Variants in CNTN2 observed in about 807,000 individuals in gnomAD.
CNTN2 encodes contactin 2, also known as contactin-2.
A neutral mutation model predicts 117.5 loss-of-function variants in CNTN2; 53 were observed. The ratio of observed to expected loss-of-function variants is 0.45; its 90% confidence interval spans 0.36 to 0.57. CNTN2 has a LOEUF of 0.57. CNTN2 is among the 20% of genes least tolerant of loss of function. The pLI, the probability that CNTN2 is intolerant of heterozygous loss-of-function variation, is 0.00. For missense variants in CNTN2, 1,106 were observed against 1,404.3 expected (o/e 0.79, Z 3.39); for synonymous variants, 530 against 561.7 (o/e 0.94, Z 0.80).
Position 205,074,772 on chromosome 1 carries a change from G to A in CNTN2, c.*1007G>A, listed in dbSNP as rs913413480. 1 of 398,712 alleles carries A rather than the reference G, an allele frequency of 2.5e-6. No homozygotes were observed. The highest frequency in any genetic ancestry group is 4.4e-6 in the Non-Finnish European group (1 of 226,224). The allele number at this position is 398,712 out of a possible 1,614,324, so 24.7% of individuals were successfully genotyped here. ...ACTGACTCACTCCTGCCTGGGAGGG[G>A]AATGCAGCATTCATGCTGTGTGTCC... On this transcript the variant is annotated 3_prime_UTR_variant, in exon 23 of 23. Coordinates refer to ENST00000331830, the MANE Select transcript of CNTN2 (RefSeq NM_005076.5).
chr1:205,048,211 G>C lies in CNTN2; in HGVS notation c.-87+4817G>C, dbSNP rs2096445050. Among the ~76,000 whole-genome samples the C allele has an allele frequency of 6.6e-6, 1 of 152,308 alleles. No homozygotes were observed. Among genetic ancestry groups the C allele is most frequent in the East Asian group, 1.9e-4 (1 of 5,184 alleles). ...CAATCTCCATTACTGGGGAGAAGGGGAGACAGATTCAGGGCCAGGAGCTGG... is the reference window on the plus strand; with the variant it reads ...CAATCTCCATTACTGGGGAGAAGGGCAGACAGATTCAGGGCCAGGAGCTGG... On this transcript the variant is annotated intron_variant, in intron 1 of 22. Coordinates refer to ENST00000331830, the MANE Select transcript of CNTN2 (RefSeq NM_005076.5). The surrounding 1 kb of genome is among the most constrained non-coding windows in gnomAD (Gnocchi z 4.1).
In CNTN2 at chr1:205,059,136, C is replaced by T. The variant is rs150422381; in HGVS notation, c.540C>T (p.Asp180=). ...AGTTCCCCAACTTCATCCCGACGGA[C>T]GGGCGTCACTTCGTGTCCCAGACCA... The part of the protein sequence containing the change: ...LNEFPNFIPT[D]GRHFVSQTTG... The change falls in exon 6 of 23, where the codon GAC becomes GAT. Residue 180 remains aspartate, a synonymous_variant. Coordinates refer to ENST00000331830, the MANE Select transcript of CNTN2 (RefSeq NM_005076.5). The surrounding 1 kb of genome is among the most constrained non-coding windows in gnomAD (Gnocchi z 5.6). 25 of 1,614,094 alleles carry T rather than the reference C, an allele frequency of 1.5e-5. No homozygotes were observed. Among genetic ancestry groups the T allele is most frequent in the African/African-American group, 6.7e-5 (5 of 74,938 alleles).
At chr1:205,066,348 G>A (rs901299482) in intron 14 of CNTN2, 93 bp from the exon 15 acceptor site, 77 of 1,473,604 alleles carry the variant, frequency 5.2e-5, no homozygotes, top group Non-Finnish European at 7.1e-5. Flanking sequence ...CCCTGTCTTG[G>A]TACTGTACCA....
At position 205,061,294 on chromosome 1, in the gene CNTN2, C is replaced by T; in HGVS notation, c.847C>T (p.Gln283Ter). 1 of 1,614,094 alleles carries T rather than the reference C, an allele frequency of 6.2e-7. No individual in the cohort carries two copies. Among genetic ancestry groups the T allele is most frequent in the Non-Finnish European group, 8.5e-7 (1 of 1,179,970 alleles). ...CAAAGTGGACGGCTCCCTGTCCCCG[C>T]AGTGGACCACAGCTGAGCCCACCCT... is the stretch of plus-strand genomic sequence containing the variant. ...WRKVDGSLSP[Q>*]WTTAEPTLQI... The change falls in exon 8 of 23, where the codon CAG becomes TAG. Residue 283 changes from glutamine (Q) to a stop codon, truncating the protein, a stop_gained. Coordinates refer to ENST00000331830, the MANE Select transcript of CNTN2 (RefSeq NM_005076.5). LOFTEE classifies it high-confidence loss of function. This position sits in a 1 kb window ranked among gnomAD's most constrained non-coding sequence, Gnocchi z 4.8.
chr1:205,058,118 C>T lies in CNTN2; in HGVS notation c.215+53C>T. The T allele has an allele frequency of 3.1e-6, 5 of 1,602,904 alleles. No homozygotes were observed. In the South Asian group the frequency reaches 5.6e-5, roughly 18 times the overall value. On this transcript the variant is annotated intron_variant, in intron 3 of 22. Transcript: ENST00000331830. The surrounding 1 kb of genome is among the most constrained non-coding windows in gnomAD (Gnocchi z 4.3). ...GGCCCTGGGCAGCCGTTGAACTTTC[C>T]CTCTCATCAGCCCTGCCACCAGGCA...
At chr1:205,063,133 G>A (rs1231401768) in intron 10 of CNTN2, 2 of 152,218 alleles carry the variant, frequency 1.3e-5, no homozygotes, top group East Asian at 3.8e-4. Context: ...CACCACATCA[G>A]GTTTTAGTGA....
rs1553345874 is a variant in CNTN2, at chr1:205,064,321, G to C, written c.1241-1G>C. 1 of 1,564,092 alleles carries C rather than the reference G, an allele frequency of 6.4e-7. No individual in the cohort carries two copies. Among genetic ancestry groups the C allele is most frequent in the Admixed American group, 1.9e-5 (1 of 51,880 alleles). ...TCTGTGGCTCTCCCCTTTCCTTCTA[G>C]CACTCGCCCCTGACTTCAGGCTGAA... On this transcript the variant is annotated splice_acceptor_variant, in intron 10 of 22. Transcript: ENST00000331830. LOFTEE classifies it high-confidence loss of function.
Position 205,058,238 on chromosome 1 carries a change from G to T in CNTN2, c.273G>T (p.Val91=). Residue 91 remains valine (V), a synonymous_variant, in exon 4 of 23, where the codon GTG becomes GTT. Coordinates refer to ENST00000331830, the MANE Select transcript of CNTN2 (RefSeq NM_005076.5). This position sits in a 1 kb window ranked among gnomAD's most constrained non-coding sequence, Gnocchi z 4.3. The part of the protein sequence containing the change: ...KLEPGSRHQL[V]GGNLVIMNPT... ...AGCCAGGTTCCCGTCACCAGCTGGT[G>T]GGGGGCAACCTGGTCATCATGAACC... 6.4e-7 allele frequency: 1 copy of T among 1,563,792 alleles called. No individual in the cohort carries two copies. The highest frequency in any genetic ancestry group is 1.9e-5 in the Admixed American group (1 of 53,622).
rs2151190177 is a variant in CNTN2, at chr1:205,059,215, T to C, written c.619T>C (p.Cys207Arg). ...TNASDLGNYSCLATSHMDFST... is the reference protein window; with the variant it reads ...TNASDLGNYSRLATSHMDFST... The stretch of plus-strand genomic sequence containing the variant: ...TGCCTCAGACCTGGGCAACTACTCC[T>C]GTTTGGCCACCAGCCACATGGACTT... The change falls in exon 6 of 23, where the codon TGT (cysteine) becomes CGT (arginine). Residue 207 changes from cysteine to arginine, a missense_variant. Cys to Arg is a radical substitution (Grantham distance 180). Transcript: ENST00000331830. This position sits in a 1 kb window ranked among gnomAD's most constrained non-coding sequence, Gnocchi z 5.6. 1.2e-6 allele frequency: 2 copies of C among 1,614,222 alleles called. No individual in the cohort carries two copies. The highest frequency in any genetic ancestry group is 1.7e-6 in the Non-Finnish European group (2 of 1,180,046).
intron 16 of CNTN2, chr1:205,069,201 C>T (rs1225181560): frequency 2.1e-5 from 9 of 422,374 alleles, no homozygotes; most frequent in South Asian, 1.1e-4. Context: ...ATTTCATTCT[C>T]ATTATGGCCT....
intron 2 of CNTN2, among the ~76,000 whole-genome samples, chr1:205,057,008 T>C (rs999874209): frequency 3.3e-5 from 5 of 152,298 alleles, no homozygotes; most frequent in Middle Eastern, 3.4e-3. Flanking sequence ...ACTGGAATTG[T>C]ATAAAACTGC....
intron 1 of CNTN2, among the ~76,000 whole-genome samples, chr1:205,051,772 A>G (rs995858444): frequency 1.3e-5 from 2 of 152,076 alleles, no homozygotes; most frequent in Non-Finnish European, 2.9e-5. Flanking sequence ...GGAGTGGTCA[A>G]ATGTGGAGGG....
At position 205,058,409 on chromosome 1, in the gene CNTN2, G is replaced by C; in HGVS notation, c.391+53G>C. 6.5e-7 allele frequency: 1 copy of C among 1,534,074 alleles called. No individual in the cohort carries two copies. The highest frequency in any genetic ancestry group is 8.8e-7 in the Non-Finnish European group (1 of 1,136,294). Reference sequence around the variant, plus strand: ...TTGGGGGAGGGGGAGAGGGGGCTAGGAGAAATTACTGAGAAAGGATAAGGG... The same window carrying C: ...TTGGGGGAGGGGGAGAGGGGGCTAGCAGAAATTACTGAGAAAGGATAAGGG... On this transcript the variant is annotated intron_variant, in intron 4 of 22. Transcript: ENST00000331830. This position sits in a 1 kb window ranked among gnomAD's most constrained non-coding sequence, Gnocchi z 4.3.
chr1:205,073,586 C>G lies in CNTN2; in HGVS notation c.3014-70C>G. 7.1e-7 allele frequency: 1 copy of G among 1,418,162 alleles called. No individual in the cohort carries two copies. Among genetic ancestry groups the G allele is most frequent in the Admixed American group, 1.8e-5 (1 of 55,806 alleles). 87.8% of individuals were successfully genotyped at this position (1,418,162 alleles called of 1,614,324 possible). On this transcript the variant is annotated intron_variant, in intron 22 of 22. Coordinates refer to ENST00000331830, the MANE Select transcript of CNTN2 (RefSeq NM_005076.5). This position sits in a 1 kb window ranked among gnomAD's most constrained non-coding sequence, Gnocchi z 6.3. ...CCCTGTGAGTCTCCTTAGGAAAGGT[C>G]TCAATCTTGCCACAAGGGTGGGGCT... is the stretch of plus-strand genomic sequence containing the variant.
chr1:205,057,820 T>G (rs1417686405), intron 2 of CNTN2, 101 bp from the exon 3 acceptor site: 25 of 1,401,148 alleles, frequency 1.8e-5, no homozygotes, highest in Non-Finnish European at 2.3e-5. Flanking sequence ...AAATGGGACA[T>G]TCCCATCATC....
Position 205,073,577 on chromosome 1 carries a change from AG to A in CNTN2, c.3014-77del. 2 of 1,321,818 alleles carry A rather than the reference AG, an allele frequency of 1.5e-6. No homozygotes were observed. Among genetic ancestry groups the A allele is most frequent in the Non-Finnish European group, 2.1e-6 (2 of 939,924 alleles). The allele number at this position is 1,321,818 out of a possible 1,614,324, so 81.9% of individuals were successfully genotyped here. The stretch of plus-strand genomic sequence containing the variant: ...TGCAGCTGGCCCTGTGAGTCTCCTT[AG>A]GAAAGGTCTCAATCTTGCCACAAGG... On this transcript the variant is annotated intron_variant, in intron 22 of 22. Coordinates refer to ENST00000331830, the MANE Select transcript of CNTN2 (RefSeq NM_005076.5). The surrounding 1 kb of genome is among the most constrained non-coding windows in gnomAD (Gnocchi z 6.3).
rs1161864937 is a variant in CNTN2 at position 205,065,330 on chromosome 1, C to A, written c.1695+68C>A. 1 of 1,537,646 alleles carries A rather than the reference C, an allele frequency of 6.5e-7. No individual in the cohort carries two copies. The highest frequency in any genetic ancestry group is 1.2e-5 in the South Asian group (1 of 86,146). ...AGAGAGACAGGGGCCCCAAGATGTC[C>A]TTAGCCATCCTCACCTTTAAGAAAC... On this transcript the variant is annotated intron_variant, in intron 13 of 22. Coordinates refer to ENST00000331830, the MANE Select transcript of CNTN2 (RefSeq NM_005076.5). The surrounding 1 kb of genome is among the most constrained non-coding windows in gnomAD (Gnocchi z 4.1).
Position 205,076,239 on chromosome 1 carries a change from C to T in CNTN2, c.*2474C>T, listed in dbSNP as rs1414027916. The stretch of plus-strand genomic sequence containing the variant: ...AGAATTTGTTTGAGGGATAGAACGA[C>T]AACAAAATAAATGTTCCTGCAGCCT... On this transcript the variant is annotated 3_prime_UTR_variant, in exon 23 of 23. Transcript: ENST00000331830. The T allele has an allele frequency of 6.6e-6, 1 of 152,178 alleles. No homozygotes were observed. Among genetic ancestry groups the T allele is most frequent in the East Asian group, 1.9e-4 (1 of 5,196 alleles). 9.4% of individuals were successfully genotyped at this position (152,178 alleles called of 1,614,324 possible).
In CNTN2 at chr1:205,061,828, T is replaced by C; in HGVS notation, c.974-37T>C. The C allele has an allele frequency of 1.3e-6, 2 of 1,503,504 alleles. No homozygotes were observed. The highest frequency in any genetic ancestry group is 1.8e-6 in the Non-Finnish European group (2 of 1,125,908). 93.1% of individuals were successfully genotyped at this position (1,503,504 alleles called of 1,614,324 possible). ...CTTTTAATGAGCTGGAAGCTCCTCC[T>C]AGCTCATGCCAGGTTTTCTTTTCCG... On this transcript the variant is annotated intron_variant, in intron 8 of 22. Coordinates refer to ENST00000331830, the MANE Select transcript of CNTN2 (RefSeq NM_005076.5). This position sits in a 1 kb window ranked among gnomAD's most constrained non-coding sequence, Gnocchi z 4.8.
Sources: gnomAD v4.1 joint callset for allele counts (sites outside exome capture counted in the v4.1 genomes callset) on GRCh38, gnomAD v4.1.1 for gene constraint, Gnocchi (gnomAD v3.1) non-coding constraint, MANE v1.5 for transcripts, NCBI Gene and HGNC (gene_info 2026-07-23, HGNC 2026-07-21) for gene names.